ROCK2: variants seen among roughly 807,000 people sequenced by gnomAD.
The protein encoded by ROCK2 is rho-associated protein kinase 2.
ROCK2 carries 61 observed loss-of-function variants against 195.1 expected under a neutral mutation model. That is an observed-to-expected ratio of 0.31 (90% CI 0.25 to 0.39). The LOEUF is 0.39. ROCK2 is among the 10% of genes least tolerant of loss of function. The probability of loss-of-function intolerance (pLI) is 1.00; values close to 1 mark genes in which losing one functional copy is unlikely to be tolerated. For synonymous variants in ROCK2, 504 were observed against 545.5 expected, an observed-to-expected ratio of 0.92 and a Z score of 1.06; for missense variants, 1,109 against 1,637.4, an observed-to-expected ratio of 0.68 and a Z score of 5.57.
intron 1 of ROCK2, among the ~76,000 whole-genome samples, chr2:11,294,217 AGGAAAGAGC>A (rs1288332941): frequency 6.6e-6 from 1 of 152,180 alleles, no homozygotes; most frequent in East Asian, 1.9e-4. Context: ...AAGGAAAGAA[AGGAAAGAGC>A]AAAAAATCAC....
Position 11,215,823 on chromosome 2 carries a change from A to G in ROCK2, c.1462-178T>C, listed in dbSNP as rs192272040. Among the ~76,000 whole-genome samples the G allele has an allele frequency of 2.0e-5, 3 of 152,364 alleles. No individual in the cohort carries two copies. The East Asian group carries it at 5.8e-4, about 29-fold the overall frequency. ...AACTAGCACACTACTCTTAAATCAT[A>G]AAGACCGTAAATGTTTTGTTTACTA... On this transcript the variant is annotated intron_variant, in intron 13 of 32. Transcript: ENST00000315872.
At chr2:11,287,594 AC>A in intron 2 of ROCK2, 60 bp downstream of exon 2, 1 of 481,052 alleles carries the variant, frequency 2.1e-6, no homozygotes, top group South Asian at 7.8e-5. Flanking sequence ...TAATAACCAA[AC>A]AAAAATCTCT....
At chr2:11,249,587 C>A in intron 4 of ROCK2, 74 bp downstream of exon 4, 1 of 1,199,668 alleles carries the variant, frequency 8.3e-7, no homozygotes, top group Non-Finnish European at 1.1e-6. Context: ...AGACTTGGCA[C>A]ACAAAAATCA....
Position 11,344,276 on chromosome 2 carries a change from T to A in ROCK2, c.-140A>T. The A allele has an allele frequency of 3.2e-6, 4 of 1,259,836 alleles. No individual in the cohort carries two copies. In the South Asian group the frequency reaches 8.8e-5, roughly 28 times the overall value. The allele number at this position is 1,259,836 out of a possible 1,614,324, so 78.0% of individuals were successfully genotyped here. On this transcript the variant is annotated 5_prime_UTR_variant, in exon 1 of 33. Transcript: ENST00000315872. The surrounding 1 kb of genome is among the most constrained non-coding windows in gnomAD (Gnocchi z 5.4). ...CTGCCTCTAGCTCCGGCTTCGGGTC[T>A]CCAAGGCGGTCCCCCGCCTGGGGGC...
At position 11,192,242 on chromosome 2, in the gene ROCK2, G is replaced by A; in HGVS notation, c.4069C>T (p.Pro1357Ser). The A allele has an allele frequency of 6.2e-7, 1 of 1,613,954 alleles. No homozygotes were observed. Among genetic ancestry groups the A allele is most frequent in the South Asian group, 1.1e-5 (1 of 91,074 alleles). The change falls in exon 32 of 33, where the codon CCT (proline) becomes TCT (serine). Residue 1357 changes from proline to serine, a missense_variant. Physicochemically the swap from Pro to Ser is moderately conservative, Grantham distance 74. Coordinates refer to ENST00000315872, the MANE Select transcript of ROCK2 (RefSeq NM_004850.5). This position sits in a 1 kb window ranked among gnomAD's most constrained non-coding sequence, Gnocchi z 5.0. Reference protein sequence around the residue: ...KIPKKPPAPDPFARSSPRTSM... With the variant: ...KIPKKPPAPDSFARSSPRTSM... ...GTTCTAGGAGATGATCGGGCAAAAG[G>A]GTCTGGAGCTGGGGGCTTTTTAGGT...
chr2:11,201,472 CA>C lies in ROCK2; in HGVS notation c.2620-60del. ...TCATCAGAAATATTACTTCTACATT[CA>C]AAAGCTATTCAGACAAAAAGGAGAA... On this transcript the variant is annotated intron_variant, in intron 21 of 32. Transcript: ENST00000315872. This position sits in a 1 kb window ranked among gnomAD's most constrained non-coding sequence, Gnocchi z 4.6. 1 of 929,726 alleles carries C rather than the reference CA, an allele frequency of 1.1e-6. No individual in the cohort carries two copies. The highest frequency in any genetic ancestry group is 1.7e-6 in the Non-Finnish European group (1 of 576,072). The allele number at this position is 929,726 out of a possible 1,614,324, so 57.6% of individuals were successfully genotyped here.
At chr2:11,228,639 T>C (rs926085276) in intron 5 of ROCK2, among the ~76,000 whole-genome samples, 3 of 152,046 alleles carry the variant, frequency 2.0e-5, no homozygotes, top group Non-Finnish European at 2.9e-5. Context: ...AGACTTCTGT[T>C]GGGGGAAAAA....
At position 11,214,388 on chromosome 2, in the gene ROCK2, T is replaced by C; in HGVS notation, c.2012A>G (p.Gln671Arg). Residue 671 changes from glutamine to arginine, a missense_variant, in exon 17 of 33, where the codon CAA (glutamine) becomes CGA (arginine). Gln to Arg is a conservative substitution (Grantham distance 43). Coordinates refer to ENST00000315872, the MANE Select transcript of ROCK2 (RefSeq NM_004850.5). ...LLAKVELEKR[Q>R]LQERFTDLEK... Reference sequence around the variant, plus strand: ...CAAATCAGTAAATCTCTCCTGAAGTTGTCTCTTCTCCAGTTCTACTTTCGC... The same window carrying C: ...CAAATCAGTAAATCTCTCCTGAAGTCGTCTCTTCTCCAGTTCTACTTTCGC... 6.9e-6 allele frequency: 11 copies of C among 1,603,266 alleles called. No individual in the cohort carries two copies. The highest frequency in any genetic ancestry group is 1.1e-5 in the South Asian group (1 of 90,404).
intron 1 of ROCK2, among the ~76,000 whole-genome samples, chr2:11,290,046 T>G (rs62117972): frequency 0.035 from 5,406 of 152,326 alleles, 149 homozygotes; most frequent in Non-Finnish European, 0.055. Flanking sequence ...ACATTCTTAC[T>G]TGAGGCCTTT....
chr2:11,280,033 T>C (rs1666946965), intron 3 of ROCK2, among the ~76,000 whole-genome samples: 1 of 152,136 alleles, frequency 6.6e-6, no homozygotes, highest in South Asian at 2.1e-4. Flanking sequence ...GTGAAAGCAG[T>C]GCTTAATGCA....
chr2:11,259,228 T>C (rs1000473978), intron 3 of ROCK2, among the ~76,000 whole-genome samples: 1 of 151,402 alleles, frequency 6.6e-6, no homozygotes, highest in Non-Finnish European at 1.5e-5. Context: ...CCTCACACTT[T>C]GGGAAAAGCT....
At position 11,208,279 on chromosome 2, in the gene ROCK2, ATACT is replaced by A; in HGVS notation, c.2364+4_2364+7del. On this transcript the variant is annotated splice_donor_5th_base_variant and intron_variant, in intron 19 of 32. Coordinates refer to ENST00000315872, the MANE Select transcript of ROCK2 (RefSeq NM_004850.5). The stretch of plus-strand genomic sequence containing the variant: ...TTATTATTAATCATTAGTACACTTA[ATACT>A]TACATCCTCATTTAGCACATCTTTC... 1 of 1,389,460 alleles carries A rather than the reference ATACT, an allele frequency of 7.2e-7. No individual in the cohort carries two copies. The highest frequency in any genetic ancestry group is 9.5e-7 in the Non-Finnish European group (1 of 1,048,354). 86.1% of individuals were successfully genotyped at this position (1,389,460 alleles called of 1,614,324 possible).
At chr2:11,306,257 A>G (rs1339608270) in intron 1 of ROCK2, among the ~76,000 whole-genome samples, 1 of 152,162 alleles carries the variant, frequency 6.6e-6, no homozygotes, top group Non-Finnish European at 1.5e-5. Flanking sequence ...TGGACTCACT[A>G]TTTCCTTCTG....
upstream of ROCK2, among the ~76,000 whole-genome samples, chr2:11,345,337 TCTC>T (rs562261139): frequency 7.9e-5 from 12 of 152,116 alleles, no homozygotes; most frequent in East Asian, 1.7e-3. Flanking sequence ...CGCGGGGTCT[TCTC>T]CTTTTGGGGG....
chr2:11,262,243 GA>G (rs200661688), intron 3 of ROCK2, among the ~76,000 whole-genome samples: 21 of 151,246 alleles, frequency 1.4e-4, no homozygotes, highest in Non-Finnish European at 7.4e-5. Context: ...CTATACATAT[GA>G]AAAAAAACAA....
intron 23 of ROCK2, among the ~76,000 whole-genome samples, chr2:11,198,983 C>T (rs911705242): frequency 6.6e-6 from 1 of 151,746 alleles, no homozygotes; most frequent in African/African-American, 2.4e-5. Context: ...TCACTGCAAC[C>T]TCCGCCTCCT....
chr2:11,277,718 T>A (rs554295268), intron 3 of ROCK2, among the ~76,000 whole-genome samples: 3 of 152,240 alleles, frequency 2.0e-5, no homozygotes, highest in Non-Finnish European at 4.4e-5. Flanking sequence ...AATTTCTTTA[T>A]CCACTCGTTG....
chr2:11,184,740 T>C, intron 32 of ROCK2: 1 of 984,564 alleles, frequency 1.0e-6, no homozygotes, highest in Non-Finnish European at 1.2e-6. Context: ...AAATGACCAA[T>C]CCCAGTCTTT....
chr2:11,273,878 G>A (rs1328221751), intron 3 of ROCK2, among the ~76,000 whole-genome samples: 4 of 149,446 alleles, frequency 2.7e-5, no homozygotes, highest in African/African-American at 4.9e-5. Flanking sequence ...GCAGTGAGCC[G>A]AGGTTGCGCC....
Sources: allele counts gnomAD v4.1 joint callset (sites outside exome capture counted in the v4.1 genomes callset), GRCh38; gene constraint gnomAD v4.1.1; non-coding constraint Gnocchi (gnomAD v3.1); transcripts MANE v1.5; gene names NCBI Gene and HGNC (gene_info 2026-07-23, HGNC 2026-07-21).